DDX10: variants seen among roughly 807,000 people sequenced by gnomAD.
The protein encoded by DDX10 is DEAD-box helicase 10.
A neutral mutation model predicts 104.3 loss-of-function variants in DDX10; 74 were observed. The ratio of observed to expected loss-of-function variants is 0.71; its 90% CI spans 0.59 to 0.86. The LOEUF is 0.86. DDX10 is among the 40% of genes least tolerant of loss of function. The pLI is 0.00. For synonymous variants in DDX10, 351 were observed against 353.4 expected (o/e 0.99, Z 0.08); for missense variants, 952 against 1,040.0 (o/e 0.92, Z 1.16).
intron 16 of DDX10, among the ~76,000 whole-genome samples, chr11:108,873,654 A>G (rs1002608610): frequency 1.3e-5 from 2 of 152,202 alleles, no homozygotes; most frequent in African/African-American, 4.8e-5. Context: ...TTTCTTTCAT[A>G]AAACCTCTTC....
chr11:108,701,247 G>A (rs1018407795), intron 9 of DDX10, among the ~76,000 whole-genome samples: 3 of 152,020 alleles, frequency 2.0e-5, no homozygotes, highest in Non-Finnish European at 4.4e-5. Flanking sequence ...CAGAACAGTT[G>A]GACTCAGATC....
At position 108,833,336 on chromosome 11, in the gene DDX10, T is replaced by C. The variant is rs74528886; in HGVS notation, c.1966-5110T>C. On this transcript the variant is annotated intron_variant, in intron 13 of 17. Coordinates refer to ENST00000322536, the MANE Select transcript of DDX10 (RefSeq NM_004398.4). Reference sequence around the variant, plus strand: ...TGTTTTGTTCTAGTTGTTTCATATCTTTTTCCATAGATAGAGTTGGGCTCT... The same window carrying C: ...TGTTTTGTTCTAGTTGTTTCATATCCTTTTCCATAGATAGAGTTGGGCTCT... Among the ~76,000 whole-genome samples the C allele has an allele frequency of 9.8e-4, 150 of 152,376 alleles. 5 individuals are homozygous for C. In the East Asian group the frequency reaches 0.027, roughly 28 times the overall value.
In DDX10 at chr11:108,738,674, A is replaced by G. The variant is rs1165184821; in HGVS notation, c.1965+15212A>G. Among the ~76,000 whole-genome samples, 3 of 152,144 alleles carry G rather than the reference A, an allele frequency of 2.0e-5. No individual in the cohort carries two copies. In the South Asian group the frequency reaches 6.2e-4, roughly 32 times the overall value. On this transcript the variant is annotated intron_variant, in intron 13 of 17. Coordinates refer to ENST00000322536, the MANE Select transcript of DDX10 (RefSeq NM_004398.4). Reference sequence around the variant, plus strand: ...CCCCAAGCCCCATTAGCTCTGTTTTATGACAGAAATTTCAGATTTCTTTGG... The same window carrying G: ...CCCCAAGCCCCATTAGCTCTGTTTTGTGACAGAAATTTCAGATTTCTTTGG...
intron 16 of DDX10, among the ~76,000 whole-genome samples, chr11:108,913,093 C>A (rs1463694877): frequency 6.6e-6 from 1 of 152,100 alleles, no homozygotes; most frequent in Admixed American, 6.5e-5. Flanking sequence ...CAAATCTCAA[C>A]CAATTTAGAA....
intron 13 of DDX10, among the ~76,000 whole-genome samples, chr11:108,768,302 G>A (rs1333583651): frequency 3.9e-5 from 6 of 152,114 alleles, no homozygotes; most frequent in African/African-American, 1.4e-4. Flanking sequence ...TCCAAAGTGA[G>A]GAGCAGGATG....
At chr11:108,805,017 C>T (rs1687790904) in intron 13 of DDX10, among the ~76,000 whole-genome samples, 1 of 152,148 alleles carries the variant, frequency 6.6e-6, no homozygotes, top group Non-Finnish European at 1.5e-5. Context: ...GAGGGGATTA[C>T]ACAAGGGCAT....
intron 13 of DDX10, among the ~76,000 whole-genome samples, chr11:108,832,114 A>G (rs1188500650): frequency 6.6e-6 from 1 of 152,174 alleles, no homozygotes; most frequent in Non-Finnish European, 1.5e-5. Context: ...GTCAAAAAAT[A>G]TAACTCCTAT....
Position 108,926,139 on chromosome 11 carries a change from A to ATT in DDX10, c.2450+8132_2450+8133dup, listed in dbSNP as rs959115859. 7.4e-5 allele frequency among the ~76,000 whole-genome samples: 11 copies of ATT among 148,652 alleles called. No individual in the cohort carries two copies. The South Asian group carries it at 2.3e-3, about 32-fold the overall frequency. On this transcript the variant is annotated intron_variant, in intron 17 of 17. Coordinates refer to ENST00000322536, the MANE Select transcript of DDX10 (RefSeq NM_004398.4). ...ATAAACTCAACTTGTATGATGTTTA[A>ATT]TTTTTTTTTTTTAAATCTGGGAGAA...
chr11:108,673,884 A>C (rs1220960654), intron 2 of DDX10, among the ~76,000 whole-genome samples: 1 of 152,214 alleles, frequency 6.6e-6, no homozygotes, highest in Non-Finnish European at 1.5e-5. Flanking sequence ...ATTTTCTCAC[A>C]GTTCTGGAAG....
intron 13 of DDX10, among the ~76,000 whole-genome samples, chr11:108,737,576 C>T (rs930049573): frequency 6.6e-6 from 1 of 152,190 alleles, no homozygotes; most frequent in African/African-American, 2.4e-5. Flanking sequence ...AAACTGGGCA[C>T]TGTAAATGTC....
chr11:108,834,570 C>G (rs892319086), intron 13 of DDX10, among the ~76,000 whole-genome samples: 1 of 152,054 alleles, frequency 6.6e-6, no homozygotes, highest in Non-Finnish European at 1.5e-5. Context: ...TTTCCTAGTA[C>G]TTTTTGTTTA....
chr11:108,896,310 G>T lies in DDX10; in HGVS notation c.2305-21563G>T, dbSNP rs537401955. On this transcript the variant is annotated intron_variant, in intron 16 of 17. Transcript: ENST00000322536. Reference sequence around the variant, plus strand: ...GGCAGATCTCTGTAGCCCCTTAATGGTATTTAGAACTGGTGATTTTTTTAA... The same window carrying T: ...GGCAGATCTCTGTAGCCCCTTAATGTTATTTAGAACTGGTGATTTTTTTAA... 1.3e-3 allele frequency among the ~76,000 whole-genome samples: 200 copies of T among 151,836 alleles called. 3 individuals are homozygous for T. In the Middle Eastern group the frequency reaches 0.024, roughly 18 times the overall value.
intron 13 of DDX10, among the ~76,000 whole-genome samples, chr11:108,738,832 G>A (rs772492796): frequency 1.3e-5 from 2 of 152,092 alleles, no homozygotes; most frequent in Non-Finnish European, 2.9e-5. Flanking sequence ...GACAACTCAT[G>A]GCACAGCAGG....
At chr11:108,719,090 C>G (rs929801795) in intron 11 of DDX10, among the ~76,000 whole-genome samples, 15 of 140,200 alleles carry the variant, frequency 1.1e-4, no homozygotes, top group African/African-American at 3.9e-4. Context: ...TTGTGTAACT[C>G]TAGTATGAAG....
At chr11:108,680,806 T>C (rs1371492276) in intron 6 of DDX10, among the ~76,000 whole-genome samples, 1 of 152,192 alleles carries the variant, frequency 6.6e-6, no homozygotes, top group African/African-American at 2.4e-5. Context: ...CTTGACCTTG[T>C]ATAATGTATG....
chr11:108,713,188 G>T (rs760091794), intron 10 of DDX10, among the ~76,000 whole-genome samples: 1 of 152,124 alleles, frequency 6.6e-6, no homozygotes, highest in Non-Finnish European at 1.5e-5. Context: ...CATTTGTCCT[G>T]CTTGGAGCTT....
intron 17 of DDX10, 104 bp from the exon 18 acceptor site, chr11:108,940,142 T>G: frequency 8.0e-7 from 1 of 1,246,274 alleles, no homozygotes; most frequent in Non-Finnish European, 1.1e-6. Context: ...TTTCCTTCAT[T>G]CTTGAATAAT....
intron 13 of DDX10, among the ~76,000 whole-genome samples, chr11:108,832,402 A>G (rs1862485304): frequency 2.0e-5 from 3 of 152,340 alleles, no homozygotes; most frequent in South Asian, 4.1e-4. Flanking sequence ...TTGTATGGCA[A>G]AAGTCTAAAT....
chr11:108,789,517 T>C (rs1351066492), intron 13 of DDX10, among the ~76,000 whole-genome samples: 1 of 152,226 alleles, frequency 6.6e-6, no homozygotes, highest in East Asian at 1.9e-4. Context: ...CTGTCCATAT[T>C]CAAAATTAGA....
Sources: gnomAD v4.1 joint callset for allele counts (sites outside exome capture counted in the v4.1 genomes callset) on GRCh38, gnomAD v4.1.1 for gene constraint, MANE v1.5 for transcripts, NCBI Gene and HGNC (gene_info 2026-07-23, HGNC 2026-07-21) for gene names.